RTCA: variants seen among roughly 807,000 people sequenced by gnomAD.
The protein encoded by RTCA is RNA terminal phosphate cyclase domain 1.
Under a neutral mutation model 46.1 loss-of-function variants are expected in RTCA, and 37 were observed. The observed-to-expected ratio is 0.80, with a 90% CI of 0.62 to 1.06. RTCA has a LOEUF of 1.06. Among genes scored for constraint, RTCA ranks in the 50% least tolerant of loss-of-function variants. RTCA has a pLI of 0.00. For missense variants in RTCA, 435 were observed against 455.5 expected, an observed-to-expected ratio of 0.95 and a Z score of 0.41; for synonymous variants, 164 against 158.3, an observed-to-expected ratio of 1.04 and a Z score of -0.27.
chr1:100,272,075 A>G (rs1233873849), intron 4 of RTCA, among the ~76,000 whole-genome samples: 1 of 152,210 alleles, frequency 6.6e-6, no homozygotes, highest in Non-Finnish European at 1.5e-5. Context: ...CATCTATTGA[A>G]GGGCATTTGG....
rs758122163 is a variant in RTCA, at chr1:100,274,927, T to A, written c.577T>A (p.Tyr193Asn). ...LTERGCVTKIYGRAFVAGVLP... is the reference protein window; with the variant it reads ...LTERGCVTKINGRAFVAGVLP... The stretch of plus-strand genomic sequence containing the variant: ...TGAGCGTGGCTGTGTGACTAAGATA[T>A]ATGGAAGAGCTTTCGTTGCTGGTGT... The change falls in exon 6 of 11, where the codon TAT (tyrosine) becomes AAT (asparagine). Residue 193 changes from tyrosine to asparagine, a missense_variant. By Grantham distance (143) the Tyr-to-Asn change is moderately radical. Coordinates refer to ENST00000370128, the MANE Select transcript of RTCA (RefSeq NM_003729.4). 6.2e-7 allele frequency: 1 copy of A among 1,611,812 alleles called. No homozygotes were observed. The highest frequency in any genetic ancestry group is 8.5e-7 in the Non-Finnish European group (1 of 1,178,438).
intron 7 of RTCA, among the ~76,000 whole-genome samples, chr1:100,276,272 C>T (rs1407037924): frequency 2.6e-5 from 4 of 152,158 alleles, no homozygotes; most frequent in Admixed American, 1.3e-4. Context: ...TGAACTTAAA[C>T]GTTTAATCAG....
At position 100,270,579 on chromosome 1, in the gene RTCA, G is replaced by A. The variant is rs138079620; in HGVS notation, c.313G>A (p.Val105Ile). ...TAGSVCLLMQVSMPCVLFAAS... is the reference protein window; with the variant it reads ...TAGSVCLLMQISMPCVLFAAS... ...TAGGAGTGTGTGCCTCTTGATGCAG[G>A]TCTCAATGCCGTGTGTTCTCTTTGC... Residue 105 changes from valine to isoleucine, a missense_variant, in exon 4 of 11, where the codon GTC (valine) becomes ATC (isoleucine). Val to Ile is a conservative substitution (Grantham distance 29, BLOSUM62 3). Coordinates refer to ENST00000370128, the MANE Select transcript of RTCA (RefSeq NM_003729.4). 1.5e-4 allele frequency: 243 copies of A among 1,614,040 alleles called. 3 individuals are homozygous for A. In the South Asian group the frequency reaches 2.2e-3, roughly 14 times the overall value.
chr1:100,277,119 A>G, intron 7 of RTCA, 139 bp from the exon 8 acceptor site: 1 of 718,716 alleles, frequency 1.4e-6, no homozygotes, highest in Admixed American at 2.2e-5. Context: ...ATACCACTCT[A>G]TATGAAGAAT....
At chr1:100,273,699 C>A (rs959903600) in intron 5 of RTCA, among the ~76,000 whole-genome samples, 1 of 152,192 alleles carries the variant, frequency 6.6e-6, no homozygotes. Context: ...GTGAGGTACC[C>A]TCATATCTAG....
chr1:100,291,446 C>G lies in RTCA; in HGVS notation c.1043C>G (p.Ala348Gly). The G allele has an allele frequency of 6.2e-7, 1 of 1,612,548 alleles. No homozygotes were observed. Among genetic ancestry groups the G allele is most frequent in the Non-Finnish European group, 8.5e-7 (1 of 1,179,314 alleles). The part of the protein sequence containing the change: ...VKKSEDEEDA[A>G]KDTYIIECQG... ...AAATCAGAAGATGAAGAAGACGCCG[C>G]TAAAGATACTTATATTATTGAATGC... The change falls in exon 11 of 11, where the codon GCT becomes GGT. Residue 348 changes from alanine (A) to glycine (G), a missense_variant. Physicochemically the swap from Ala to Gly is moderately conservative, Grantham distance 60 (BLOSUM62 0). Transcript: ENST00000370128.
Position 100,287,095 on chromosome 1 carries a change from A to G in RTCA, c.895-4A>G. 1 of 1,538,856 alleles carries G rather than the reference A, an allele frequency of 6.5e-7. No homozygotes were observed. Among genetic ancestry groups the G allele is most frequent in the Non-Finnish European group, 8.7e-7 (1 of 1,147,576 alleles). ...GAGGTTTTTCTTTGTTCTTTTTTAA[A>G]TAGCTGATTGTTTTCATGGCATTAG... On this transcript the variant is annotated splice_region_variant and splice_polypyrimidine_tract_variant and intron_variant, in intron 9 of 10. Transcript: ENST00000370128.
At chr1:100,281,276 T>C (rs1666690433) in intron 8 of RTCA, 2 of 534,092 alleles carry the variant, frequency 3.7e-6, no homozygotes, top group South Asian at 2.8e-5. Context: ...GATTTTGTTT[T>C]GTCTGAGAAA....
chr1:100,270,446 G>A, intron 3 of RTCA, 111 bp from the exon 4 acceptor site: 2 of 1,318,948 alleles, frequency 1.5e-6, no homozygotes, highest in African/African-American at 1.5e-5. Flanking sequence ...TGCCTTCACA[G>A]TTGTCTGTGC....
intron 8 of RTCA, among the ~76,000 whole-genome samples, chr1:100,282,753 G>GT (rs751429559): frequency 3.3e-5 from 5 of 152,168 alleles, no homozygotes; most frequent in Non-Finnish European, 5.9e-5. Context: ...ATTGTATAAG[G>GT]TTGCCTTCAA....
intron 6 of RTCA, 137 bp from the exon 7 acceptor site, chr1:100,275,462 G>A (rs1666319221): frequency 1.0e-5 from 6 of 572,900 alleles, no homozygotes; most frequent in South Asian, 6.7e-5. Flanking sequence ...TAAAAATTCA[G>A]TGCTCTCTTG....
Position 100,270,657 on chromosome 1 carries a change from C to T in RTCA, c.391C>T (p.Pro131Ser), listed in dbSNP as rs1438675745. ...AGGTGGAACTAATGCTGAAATGGCACCACAGATCGATTATACAGTGATGGT... is the reference window on the plus strand; with the variant it reads ...AGGTGGAACTAATGCTGAAATGGCATCACAGATCGATTATACAGTGATGGT... Reference protein sequence around the residue: ...LKGGTNAEMAPQIDYTVMVFK... With the variant: ...LKGGTNAEMASQIDYTVMVFK... The change falls in exon 4 of 11, where the codon CCA (proline) becomes TCA (serine). Residue 131 changes from proline to serine, a missense_variant. Transcript: ENST00000370128. The T allele has an allele frequency of 5.6e-6, 9 of 1,614,004 alleles. No homozygotes were observed. The highest frequency in any genetic ancestry group is 5.9e-6 in the Non-Finnish European group (7 of 1,179,976).
intron 6 of RTCA, 23 bp downstream of exon 6, chr1:100,274,988 G>T (rs753101911): frequency 1.3e-6 from 2 of 1,574,014 alleles, no homozygotes; most frequent in Non-Finnish European, 1.7e-6. Context: ...GATGTTCTTA[G>T]AAATAAAATA....
chr1:100,282,593 G>A (rs1666770847), intron 8 of RTCA, among the ~76,000 whole-genome samples: 1 of 152,100 alleles, frequency 6.6e-6, no homozygotes, highest in Non-Finnish European at 1.5e-5. Context: ...CTATTACTTA[G>A]CATGGTAGAT....
In RTCA at chr1:100,270,595, TTC is replaced by T. The variant is rs778452996; in HGVS notation, c.333_334del (p.Phe112CysfsTer14). ...TTGATGCAGGTCTCAATGCCGTGTG[TTC>T]TCTTTGCTGCTTCTCCATCAGAACT... On this transcript the variant is annotated frameshift_variant, in exon 4 of 11. Coordinates refer to ENST00000370128, the MANE Select transcript of RTCA (RefSeq NM_003729.4). LOFTEE classifies it high-confidence loss of function. 6.2e-7 allele frequency: 1 copy of T among 1,614,148 alleles called. No individual in the cohort carries two copies. Among genetic ancestry groups the T allele is most frequent in the South Asian group, 1.1e-5 (1 of 91,082 alleles).
chr1:100,270,708 A>G (rs1666040613), intron 4 of RTCA, 28 bp downstream of exon 4: 1 of 1,610,486 alleles, frequency 6.2e-7, no homozygotes, highest in South Asian at 1.1e-5. Flanking sequence ...TGACAAACTA[A>G]GATGATCTCA....
At chr1:100,266,492 C>T (rs774151433) in intron 1 of RTCA, 32 bp from the exon 2 acceptor site, 36 of 1,609,798 alleles carry the variant, frequency 2.2e-5, no homozygotes, top group African/African-American at 1.2e-4. Flanking sequence ...GGTGTGCTTA[C>T]TTCTCTTCTC....
At chr1:100,270,707 A>C in intron 4 of RTCA, 27 bp downstream of exon 4, 3 of 1,610,706 alleles carry the variant, frequency 1.9e-6, no homozygotes, top group Non-Finnish European at 2.5e-6. Context: ...TTGACAAACT[A>C]AGATGATCTC....
chr1:100,269,196 T>C lies in RTCA; in HGVS notation c.290+901T>C, dbSNP rs1464880502. On this transcript the variant is annotated intron_variant, in intron 3 of 10. Transcript: ENST00000370128. ...CTGGGTGATGGAAGGAGCCCCTGTC[T>C]CAAAAAAAGAAAAGATAATGACCAA... is the stretch of plus-strand genomic sequence containing the variant. Among the ~76,000 whole-genome samples the C allele has an allele frequency of 2.0e-5, 3 of 151,644 alleles. No homozygotes were observed. The East Asian group carries it at 5.8e-4, about 29-fold the overall frequency.
Sources: allele counts gnomAD v4.1 joint callset (sites outside exome capture counted in the v4.1 genomes callset), GRCh38; gene constraint gnomAD v4.1.1; transcripts MANE v1.5; gene names NCBI Gene and HGNC (gene_info 2026-07-23, HGNC 2026-07-21).